Variants in SLC1A3 observed in about 807,000 individuals in gnomAD.
SLC1A3 encodes the protein solute carrier family 1 member 3, also known as excitatory amino acid transporter 1.
A neutral mutation model predicts 48.1 loss-of-function variants in SLC1A3; 21 were observed. That is an observed-to-expected ratio of 0.44 (90% confidence interval 0.31 to 0.63). SLC1A3 has a LOEUF of 0.63. Ranked by LOEUF, SLC1A3 falls within the 20% of genes least tolerant of loss-of-function variation. The probability of loss-of-function intolerance (pLI) is 0.08; values close to 1 mark genes in which losing one functional copy is unlikely to be tolerated. For missense variants in SLC1A3, 546 were observed against 689.0 expected (o/e 0.79, Z 2.32); for synonymous variants, 239 against 251.4 (o/e 0.95, Z 0.47).
intron 6 of SLC1A3, among the ~76,000 whole-genome samples, chr5:36,677,917 CACAGGAAGTATT>C (rs1742279026): frequency 6.6e-6 from 1 of 152,200 alleles, no homozygotes. Context: ...CTAAAAGATT[CACAGGAAGTATT>C]ACAAAATGCC....
intron 3 of SLC1A3, among the ~76,000 whole-genome samples, chr5:36,650,110 T>A (rs1360750428): frequency 6.6e-6 from 1 of 152,206 alleles, no homozygotes; most frequent in Non-Finnish European, 1.5e-5. Context: ...CATCCAAGTC[T>A]TAGTGTAGAG....
Position 36,686,372 on chromosome 5 carries a change from C to T in SLC1A3, c.*103C>T, listed in dbSNP as rs1054720151. The T allele has an allele frequency of 5.5e-6, 5 of 910,274 alleles. No homozygotes were observed. The highest frequency in any genetic ancestry group is 9.0e-6 in the Non-Finnish European group (5 of 554,246). The allele number at this position is 910,274 out of a possible 1,614,324, so 56.4% of individuals were successfully genotyped here. ...TTCGCTCCAGCAAGCCCGTCATCTT[C>T]CCTTTCCTCCCTTCTGATAAGACTG... On this transcript the variant is annotated 3_prime_UTR_variant, in exon 10 of 10. Coordinates refer to ENST00000265113, the MANE Select transcript of SLC1A3 (RefSeq NM_004172.5).
intron 3 of SLC1A3, chr5:36,669,208 C>G (rs1004569609): frequency 6.6e-6 from 1 of 152,114 alleles, no homozygotes; most frequent in Non-Finnish European, 1.5e-5. Context: ...GGGCCCCTTT[C>G]TGAGAGAAAT....
intron 2 of SLC1A3, among the ~76,000 whole-genome samples, chr5:36,615,481 C>G (rs1312944482): frequency 2.6e-5 from 4 of 152,178 alleles, no homozygotes; most frequent in Admixed American, 6.5e-5. Flanking sequence ...TCCAGTCTAA[C>G]AAATAGCCCC....
At chr5:36,626,826 A>C (rs1173653840) in intron 2 of SLC1A3, among the ~76,000 whole-genome samples, 1 of 152,246 alleles carries the variant, frequency 6.6e-6, no homozygotes, top group African/African-American at 2.4e-5. Flanking sequence ...AATAATGCAC[A>C]TTGTAAATCA....
chr5:36,601,292 T>C (rs1045294872), intron 1 of SLC1A3, among the ~76,000 whole-genome samples: 4 of 152,328 alleles, frequency 2.6e-5, no homozygotes, highest in African/African-American at 9.6e-5. Flanking sequence ...TGTGTTTAAT[T>C]TGTGGCAGGG....
rs373409319 is a variant in SLC1A3 at position 36,633,352 on chromosome 5, T to C, written c.319+3765T>C. On this transcript the variant is annotated intron_variant, in intron 3 of 9. Transcript: ENST00000265113. ...CACAACTTTTGACATGCAATCTCTGTGGTGTTGGGCATGATGTAAGTAAAA... is the reference window on the plus strand; with the variant it reads ...CACAACTTTTGACATGCAATCTCTGCGGTGTTGGGCATGATGTAAGTAAAA... Among the ~76,000 whole-genome samples, 252 of 152,276 alleles carry C rather than the reference T, an allele frequency of 1.7e-3. 8 individuals are homozygous for C. The South Asian group carries it at 0.051, about 31-fold the overall frequency.
At chr5:36,652,419 A>C (rs972715548) in intron 3 of SLC1A3, among the ~76,000 whole-genome samples, 2 of 152,226 alleles carry the variant, frequency 1.3e-5, no homozygotes, top group Non-Finnish European at 2.9e-5. Context: ...TTTGCGCTAC[A>C]GCAGAATAGC....
At chr5:36,662,650 A>C in intron 3 of SLC1A3, among the ~76,000 whole-genome samples, 1 of 152,136 alleles carries the variant, frequency 6.6e-6, no homozygotes, top group East Asian at 1.9e-4. Context: ...TATCCAAATC[A>C]CCTCGCAGCG....
intron 3 of SLC1A3, among the ~76,000 whole-genome samples, chr5:36,666,025 G>A (rs1158105202): frequency 6.6e-6 from 1 of 152,120 alleles, no homozygotes; most frequent in Non-Finnish European, 1.5e-5. Context: ...AAACAATATA[G>A]TTCTAGAGAG....
intron 2 of SLC1A3, among the ~76,000 whole-genome samples, chr5:36,621,296 G>A (rs1739656038): frequency 6.6e-6 from 1 of 152,202 alleles, no homozygotes; most frequent in South Asian, 2.1e-4. Context: ...CATAAAGGGG[G>A]ATCCTGTCTA....
rs199769251 is a variant in SLC1A3, at chr5:36,629,699, GAA to G, written c.319+124_319+125del. The stretch of plus-strand genomic sequence containing the variant: ...TCTGCTGGATGCATGCTCTGTTCTA[GAA>G]AAAAAAAAAAAGTCCCTTCAAAATG... On this transcript the variant is annotated intron_variant, in intron 3 of 9. Transcript: ENST00000265113. 6.8e-3 allele frequency: 4,570 copies of G among 668,770 alleles called. 40 individuals are homozygous for G. Among genetic ancestry groups the G allele is most frequent in the East Asian group, 0.059 (1,966 of 33,414 alleles). 41.4% of individuals were successfully genotyped at this position (668,770 alleles called of 1,614,324 possible). A position where few individuals can be genotyped will look rare whatever the true frequency, so the allele number is the denominator to read the frequency against.
chr5:36,600,051 G>C (rs893697925), intron 1 of SLC1A3, among the ~76,000 whole-genome samples: 3 of 152,098 alleles, frequency 2.0e-5, no homozygotes, highest in African/African-American at 7.2e-5. Context: ...TTCCCCCAGA[G>C]GTTATTCCAG....
intron 3 of SLC1A3, among the ~76,000 whole-genome samples, chr5:36,666,742 G>A (rs1479429816): frequency 6.6e-6 from 1 of 152,144 alleles, no homozygotes; most frequent in Non-Finnish European, 1.5e-5. Context: ...TATCCAAGAA[G>A]TCATATTAAT....
intron 2 of SLC1A3, among the ~76,000 whole-genome samples, chr5:36,620,685 C>T (rs1739626868): frequency 6.6e-6 from 1 of 152,044 alleles, no homozygotes; most frequent in Non-Finnish European, 1.5e-5. Context: ...GTTTGAGGGG[C>T]TTGATATAGG....
intron 5 of SLC1A3, among the ~76,000 whole-genome samples, chr5:36,675,407 A>T (rs1742166217): frequency 6.6e-6 from 1 of 152,130 alleles, no homozygotes; most frequent in African/African-American, 2.4e-5. Context: ...TGATATCAAA[A>T]ATGCTGATTT....
chr5:36,626,156 G>A (rs1057500623), intron 2 of SLC1A3, among the ~76,000 whole-genome samples: 3 of 152,142 alleles, frequency 2.0e-5, no homozygotes, highest in African/African-American at 7.2e-5. Flanking sequence ...GAACACCCAA[G>A]GAGAGGAAGA....
At chr5:36,599,025 T>C (rs1469728950) in intron 1 of SLC1A3, among the ~76,000 whole-genome samples, 1 of 152,272 alleles carries the variant, frequency 6.6e-6, no homozygotes, top group Non-Finnish European at 1.5e-5. Context: ...ATTTTACATT[T>C]TGGGGGTACT....
At chr5:36,630,350 G>A (rs1430832465) in intron 3 of SLC1A3, 1 of 152,246 alleles carries the variant, frequency 6.6e-6, no homozygotes, top group Non-Finnish European at 1.5e-5. Context: ...ATCAGATGGA[G>A]CCAAGAAGTT....
Sources: gnomAD v4.1 joint callset for allele counts (sites outside exome capture counted in the v4.1 genomes callset) on GRCh38, gnomAD v4.1.1 for gene constraint, MANE v1.5 for transcripts, NCBI Gene and HGNC (gene_info 2026-07-23, HGNC 2026-07-21) for gene names.